Variants in ERLEC1 observed in about 807,000 individuals in gnomAD.
ERLEC1 encodes ER lectin.
ERLEC1 carries 47 observed loss-of-function variants against 68.0 expected under a neutral mutation model. The observed-to-expected ratio is 0.69, with a 90% CI of 0.55 to 0.88. The LOEUF (loss-of-function observed/expected upper bound fraction) is 0.88, where lower values mean the gene tolerates loss of function less well. ERLEC1 is among the 40% of genes least tolerant of loss of function. ERLEC1 has a pLI of 0.00. For synonymous variants in ERLEC1, 225 were observed against 203.2 expected (o/e 1.11, Z -0.91); for missense variants, 567 against 583.8 (o/e 0.97, Z 0.30).
At position 53,812,393 on chromosome 2, in the gene ERLEC1, G is replaced by T. The variant is rs534863069; in HGVS notation, c.1102-556G>T. Among the ~76,000 whole-genome samples the T allele has an allele frequency of 3.3e-5, 5 of 152,262 alleles. No individual in the cohort carries two copies. The East Asian group carries it at 9.6e-4, about 29-fold the overall frequency. On this transcript the variant is annotated intron_variant, in intron 10 of 13. Coordinates refer to ENST00000185150, the MANE Select transcript of ERLEC1 (RefSeq NM_015701.5). ...AGTTAGTGTTTAAAAAATAATAAAAGCAGAATGGGAAAAGGGGTTTCTGGA... is the reference window on the plus strand; with the variant it reads ...AGTTAGTGTTTAAAAAATAATAAAATCAGAATGGGAAAAGGGGTTTCTGGA...
At chr2:53,800,479 A>C (rs1343398751) in intron 6 of ERLEC1, among the ~76,000 whole-genome samples, 1 of 152,094 alleles carries the variant, frequency 6.6e-6, no homozygotes, top group East Asian at 1.9e-4. Flanking sequence ...TGAACCCAGG[A>C]TTTTCTAATT....
chr2:53,799,578 G>A (rs1350323787), intron 6 of ERLEC1, among the ~76,000 whole-genome samples: 1 of 152,116 alleles, frequency 6.6e-6, no homozygotes, highest in East Asian at 1.9e-4. Context: ...ATGGATAAAT[G>A]ATTTCTGTAA....
chr2:53,815,849 C>A (rs1361368901), intron 13 of ERLEC1, among the ~76,000 whole-genome samples: 1 of 152,136 alleles, frequency 6.6e-6, no homozygotes, highest in Non-Finnish European at 1.5e-5. Flanking sequence ...ATATTCATCA[C>A]CATAAGCATT....
At chr2:53,797,871 GA>G (rs955254258) in intron 5 of ERLEC1, 76 bp downstream of exon 5, 2 of 1,319,150 alleles carry the variant, frequency 1.5e-6, no homozygotes, top group African/African-American at 1.5e-5. Context: ...GAATTTACGA[GA>G]TTTTTTTTTT....
chr2:53,788,683 C>A (rs749331911), intron 1 of ERLEC1: 1 of 151,968 alleles, frequency 6.6e-6, no homozygotes, highest in Non-Finnish European at 1.5e-5. Context: ...CATGTGTGAA[C>A]CAAATGTTCT....
chr2:53,801,889 A>T, intron 8 of ERLEC1, 47 bp downstream of exon 8: 1 of 1,480,638 alleles, frequency 6.8e-7, no homozygotes. Flanking sequence ...CATTTTTAAA[A>T]TTTCAGAGCA....
At chr2:53,795,814 CT>C (rs1435763930) in intron 2 of ERLEC1, 118 bp from the exon 3 acceptor site, 25 of 658,012 alleles carry the variant, frequency 3.8e-5, no homozygotes, top group Middle Eastern at 3.2e-4. Context: ...AACATTTTGA[CT>C]TTTTTTTCTC....
Position 53,803,627 on chromosome 2 carries a change from A to G in ERLEC1, c.879+1785A>G, listed in dbSNP as rs185575979. 4.0e-3 allele frequency among the ~76,000 whole-genome samples: 601 copies of G among 151,980 alleles called. 7 individuals carry two copies. Among genetic ancestry groups the G allele is most frequent in the African/African-American group, 0.014 (570 of 41,464 alleles). On this transcript the variant is annotated intron_variant, in intron 8 of 13. Coordinates refer to ENST00000185150, the MANE Select transcript of ERLEC1 (RefSeq NM_015701.5). ...AAAAAAAAAAAATTCAGCCAGTGAT[A>G]TAAAAGTCGTGCTAGCATATAGCTG...
intron 10 of ERLEC1, among the ~76,000 whole-genome samples, chr2:53,809,668 T>G (rs1260895313): frequency 6.6e-6 from 1 of 152,086 alleles, no homozygotes; most frequent in Non-Finnish European, 1.5e-5. Flanking sequence ...CAGGATCATT[T>G]GAGCTCGGGA....
In ERLEC1 at chr2:53,808,397, A is replaced by T. The variant is rs770844715; in HGVS notation, c.978A>T (p.Ile326=). Residue 326 remains isoleucine (I), a synonymous_variant, in exon 9 of 14, where the codon ATA becomes ATT. Transcript: ENST00000185150. ...TGCTCACTGTTGGGACAACCCACAT[A>T]TCCAAATTGACAGATGACCAACTCA... ...QPVLTVGTTH[I]SKLTDDQLIK... is the part of the protein sequence containing the mutation. 1.2e-6 allele frequency: 2 copies of T among 1,614,186 alleles called. No homozygotes were observed. Among genetic ancestry groups the T allele is most frequent in the East Asian group, 4.5e-5 (2 of 44,872 alleles).
intron 11 of ERLEC1, among the ~76,000 whole-genome samples, chr2:53,813,533 T>A (rs1676701250): frequency 6.6e-6 from 1 of 152,238 alleles, no homozygotes; most frequent in Non-Finnish European, 1.5e-5. Context: ...AGGGTGTTTT[T>A]TAAAAACTAC....
At chr2:53,808,485 ATATT>A in intron 9 of ERLEC1, 25 bp downstream of exon 9, 1 of 1,609,528 alleles carries the variant, frequency 6.2e-7, no homozygotes, top group East Asian at 2.2e-5. Flanking sequence ...TTCAGTTTAA[ATATT>A]TATTTTACAA....
intron 1 of ERLEC1, among the ~76,000 whole-genome samples, chr2:53,788,415 T>A (rs1230921414): frequency 6.6e-6 from 1 of 152,180 alleles, no homozygotes; most frequent in Non-Finnish European, 1.5e-5. Flanking sequence ...TTTTTGTTTG[T>A]TTTTTGAGAC....
intron 8 of ERLEC1, among the ~76,000 whole-genome samples, chr2:53,807,286 T>C (rs1276693646): frequency 4.6e-5 from 7 of 152,232 alleles, no homozygotes; most frequent in Non-Finnish European, 1.0e-4. Context: ...CAAATTATTA[T>C]TCTTGTTTCA....
intron 2 of ERLEC1, 48 bp downstream of exon 2, chr2:53,794,497 T>G: frequency 1.2e-6 from 1 of 824,250 alleles, no homozygotes; most frequent in Non-Finnish European, 2.0e-6. Context: ...AAAATATTTA[T>G]GTAAAACATT....
intron 1 of ERLEC1, among the ~76,000 whole-genome samples, chr2:53,790,402 G>T (rs1675327547): frequency 6.6e-6 from 1 of 151,534 alleles, no homozygotes; most frequent in South Asian, 2.1e-4. Context: ...CTGGCCGCGG[G>T]TTGGACATTT....
At chr2:53,808,737 T>C (rs1036398583) in intron 9 of ERLEC1, among the ~76,000 whole-genome samples, 1 of 152,228 alleles carries the variant, frequency 6.6e-6, no homozygotes, top group African/African-American at 2.4e-5. Context: ...AGCATGTGAT[T>C]GTATATCCCA....
At chr2:53,795,792 A>G in intron 2 of ERLEC1, 141 bp from the exon 3 acceptor site, 1 of 571,982 alleles carries the variant, frequency 1.7e-6, no homozygotes, top group Non-Finnish European at 3.0e-6. Context: ...GGCGTACCGT[A>G]GGGTCTTGTT....
At chr2:53,791,688 TTG>T (rs1675399762) in intron 1 of ERLEC1, among the ~76,000 whole-genome samples, 1 of 152,164 alleles carries the variant, frequency 6.6e-6, no homozygotes, top group Admixed American at 6.5e-5. Context: ...GCATCAAGAA[TTG>T]TCTTCCCTTT....
Sources: allele counts gnomAD v4.1 joint callset (sites outside exome capture counted in the v4.1 genomes callset), GRCh38; gene constraint gnomAD v4.1.1; transcripts MANE v1.5; gene names NCBI Gene and HGNC (gene_info 2026-07-23, HGNC 2026-07-21).